Variants in MDH1B observed in about 807,000 individuals in gnomAD.
MDH1B encodes the protein putative malate dehydrogenase 1B.
In MDH1B, 60 loss-of-function variants were observed where a neutral mutation model predicts 61.4. The observed-to-expected ratio is 0.98, with a 90% CI of 0.79 to 1.21. The LOEUF (loss-of-function observed/expected upper bound fraction) is 1.21. Among genes scored for constraint, MDH1B ranks in the 50% most tolerant of loss-of-function variants. The pLI is 0.00. For missense variants in MDH1B, 587 were observed against 632.1 expected, an observed-to-expected ratio of 0.93 and a Z score of 0.76; for synonymous variants, 236 against 218.7, an observed-to-expected ratio of 1.08 and a Z score of -0.70.
At chr2:206,746,211 A>G in intron 8 of MDH1B, 76 bp downstream of exon 8, 10 of 1,300,032 alleles carry the variant, frequency 7.7e-6, no homozygotes, top group Middle Eastern at 2.0e-4. Flanking sequence ...AGAAAAACCA[A>G]TGTATGCCTT....
chr2:206,750,982 C>T lies in MDH1B; in HGVS notation c.1004G>A (p.Trp335Ter), dbSNP rs1280849058. The change falls in exon 6 of 12, where the codon TGG (tryptophan) becomes TAG (stop). Residue 335 changes from tryptophan to a stop codon, truncating the protein, a stop_gained. Coordinates refer to ENST00000374412, the MANE Select transcript of MDH1B (RefSeq NM_001039845.3). LOFTEE classifies it high-confidence loss of function. ...TRVYRYESAI[W>*]GPLHYSRPVL... ...AGGGCGTGAATAATGAAGAGGTCCC[C>T]AAATGGCACTCTCATATCTGTACAC... 1 of 1,611,742 alleles carries T rather than the reference C, an allele frequency of 6.2e-7. No individual in the cohort carries two copies.
At chr2:206,742,802 C>T (rs916005557) in intron 9 of MDH1B, among the ~76,000 whole-genome samples, 2 of 149,752 alleles carry the variant, frequency 1.3e-5, no homozygotes, top group Non-Finnish European at 2.9e-5. Flanking sequence ...AGCTCCACCT[C>T]CTGGGTTCAC....
At chr2:206,742,964 C>T (rs199705579) in intron 9 of MDH1B, among the ~76,000 whole-genome samples, 1 of 151,786 alleles carries the variant, frequency 6.6e-6, no homozygotes, top group Non-Finnish European at 1.5e-5. Context: ...ATCTGCCCAC[C>T]TCGGCCTCCC....
At chr2:206,753,477 C>T (rs1315067996) in intron 5 of MDH1B, among the ~76,000 whole-genome samples, 1 of 152,038 alleles carries the variant, frequency 6.6e-6, no homozygotes, top group Non-Finnish European at 1.5e-5. Context: ...GACTTTTTTG[C>T]AACAGAAGGA....
At chr2:206,750,825 C>A in intron 6 of MDH1B, 109 bp downstream of exon 6, 1 of 952,564 alleles carries the variant, frequency 1.0e-6, no homozygotes, top group Non-Finnish European at 1.4e-6. Context: ...TGAGTGTGAA[C>A]AATGCAAGTT....
intron 2 of MDH1B, among the ~76,000 whole-genome samples, chr2:206,759,949 T>G (rs6706164): frequency 0.12 from 18,792 of 152,206 alleles, 1,697 homozygotes; most frequent in African/African-American, 0.26. Flanking sequence ...AGGTGATGAC[T>G]GTCAGTTTGG....
chr2:206,748,995 C>G, intron 7 of MDH1B, 25 bp downstream of exon 7: 2 of 1,605,682 alleles, frequency 1.2e-6, no homozygotes, highest in Non-Finnish European at 1.7e-6. Context: ...TAAGATTTTA[C>G]AAGATATGAA....
At chr2:206,757,097 G>A in intron 3 of MDH1B, 57 bp from the exon 4 acceptor site, 1 of 1,564,508 alleles carries the variant, frequency 6.4e-7, no homozygotes, top group East Asian at 2.3e-5. Flanking sequence ...GTTGAAATTG[G>A]CTATAATGGA....
intron 9 of MDH1B, among the ~76,000 whole-genome samples, chr2:206,742,779 C>A (rs1012308983): frequency 7.1e-6 from 1 of 140,912 alleles, no homozygotes; most frequent in Non-Finnish European, 1.5e-5. Flanking sequence ...TGCAGTGGTG[C>A]AATCTCAGCT....
At chr2:206,754,976 T>C in intron 5 of MDH1B, 33 bp downstream of exon 5, 1 of 1,589,610 alleles carries the variant, frequency 6.3e-7, no homozygotes, top group Non-Finnish European at 8.6e-7. Context: ...TGTTTCAAAA[T>C]AAAAACAAAA....
At chr2:206,754,331 C>A (rs572967334) in intron 5 of MDH1B, among the ~76,000 whole-genome samples, 252 of 152,202 alleles carry the variant, frequency 1.7e-3, no homozygotes, top group Middle Eastern at 3.4e-3. Flanking sequence ...AAAATATGTC[C>A]AATATTATCT....
intron 2 of MDH1B, among the ~76,000 whole-genome samples, chr2:206,757,626 G>C (rs1688837692): frequency 6.6e-6 from 1 of 152,122 alleles, no homozygotes; most frequent in African/African-American, 2.4e-5. Context: ...TCTTTTTGCT[G>C]AGGAGACCTG....
At position 206,738,168 on chromosome 2, in the gene MDH1B, T is replaced by A. The variant is rs935549319; in HGVS notation, c.*315A>T. On this transcript the variant is annotated 3_prime_UTR_variant, in exon 12 of 12. Coordinates refer to ENST00000374412, the MANE Select transcript of MDH1B (RefSeq NM_001039845.3). ...GTATGGCTGATGGAAGGAAGCAGGT[T>A]CTCTCAGAAGATGTATGGGCAGATG... The A allele has an allele frequency of 1.4e-5, 3 of 212,882 alleles. No homozygotes were observed. The highest frequency in any genetic ancestry group is 6.9e-5 in the African/African-American group (3 of 43,562). The allele number at this position is 212,882 out of a possible 1,614,324, so 13.2% of individuals were successfully genotyped here.
chr2:206,744,736 C>T (rs1687998147), intron 9 of MDH1B, among the ~76,000 whole-genome samples: 1 of 151,664 alleles, frequency 6.6e-6, no homozygotes, highest in African/African-American at 2.4e-5. Context: ...ACCAGCCCGG[C>T]CAACATAGTG....
Position 206,755,236 on chromosome 2 carries a change from C to T in MDH1B, c.683G>A (p.Cys228Tyr), listed in dbSNP as rs1197588958. Reference protein sequence around the residue: ...TNKEVFTLEDCLRSRVPLCRL... With the variant: ...TNKEVFTLEDYLRSRVPLCRL... Reference sequence around the variant, plus strand: ...GCAGAGAGGCACCCTGCTTCGGAGGCAGTCCTCCAGAGTGAACACCTCCTT... The same window carrying T: ...GCAGAGAGGCACCCTGCTTCGGAGGTAGTCCTCCAGAGTGAACACCTCCTT... Residue 228 changes from cysteine to tyrosine, a missense_variant, in exon 5 of 12, where the codon TGC becomes TAC. Coordinates refer to ENST00000374412, the MANE Select transcript of MDH1B (RefSeq NM_001039845.3). 1.2e-6 allele frequency: 2 copies of T among 1,614,092 alleles called. No homozygotes were observed. The highest frequency in any genetic ancestry group is 2.7e-5 in the African/African-American group (2 of 74,944).
chr2:206,757,170 G>A (rs1688811573), intron 3 of MDH1B, 67 bp downstream of exon 3: 5 of 1,537,926 alleles, frequency 3.3e-6, no homozygotes, highest in Non-Finnish European at 4.4e-6. Flanking sequence ...CAGAAAGCAA[G>A]ATATTTGAAA....
chr2:206,753,299 A>AT (rs958505994), intron 5 of MDH1B, among the ~76,000 whole-genome samples: 32 of 152,156 alleles, frequency 2.1e-4, no homozygotes, highest in African/African-American at 4.6e-4. Context: ...ATCACTTTGT[A>AT]TTTTTTTGAG....
At chr2:206,739,056 G>C (rs1687658307) in intron 11 of MDH1B, among the ~76,000 whole-genome samples, 1 of 152,146 alleles carries the variant, frequency 6.6e-6, no homozygotes, top group Non-Finnish European at 1.5e-5. Flanking sequence ...GATTACTTGT[G>C]TCAATTTCCT....
intron 2 of MDH1B, 108 bp from the exon 3 acceptor site, chr2:206,757,479 A>G: frequency 1.1e-6 from 1 of 887,898 alleles, no homozygotes; most frequent in Non-Finnish European, 1.7e-6. Context: ...TAATGTCACT[A>G]TATACACATA....
Sources: allele counts gnomAD v4.1 joint callset (sites outside exome capture counted in the v4.1 genomes callset), GRCh38; gene constraint gnomAD v4.1.1; transcripts MANE v1.5; gene names NCBI Gene and HGNC (gene_info 2026-07-23, HGNC 2026-07-21).